PGPEP1L: variants seen among roughly 807,000 people sequenced by gnomAD.
PGPEP1L encodes pyroglutamyl-peptidase I like.
In PGPEP1L, 7 loss-of-function variants were observed where a neutral mutation model predicts 6.0. The observed-to-expected ratio is 1.17, with a 90% CI of 0.66 to 2.19. The LOEUF is 2.19. Among genes scored for constraint, PGPEP1L ranks in the 30% most tolerant of loss-of-function variants. The probability of loss-of-function intolerance (pLI) is 0.00; values close to 1 mark genes in which losing one functional copy is unlikely to be tolerated. For missense variants in PGPEP1L, 209 were observed against 192.5 expected, an observed-to-expected ratio of 1.09 and a Z score of -0.51; for synonymous variants, 103 against 83.9, an observed-to-expected ratio of 1.23 and a Z score of -1.24.
Position 98,968,583 on chromosome 15 carries a change from G to A in PGPEP1L, c.324C>T (p.Ala108=), listed in dbSNP as rs1308117270. 6.2e-7 allele frequency: 1 copy of A among 1,612,052 alleles called. No individual in the cohort carries two copies. The highest frequency in any genetic ancestry group is 8.5e-7 in the Non-Finnish European group (1 of 1,179,222). ...GCATTTCCTGGATGATGACTCTCAA[G>A]GCTCTTCCCAGCAGGCTGGCCGGGA... is the stretch of plus-strand genomic sequence containing the variant. ...RGLPASLLGR[A]LRVIIQEMLE... Residue 108 remains alanine, a synonymous_variant, in exon 5 of 5, where the codon GCC becomes GCT. Transcript: ENST00000535714.
At chr15:98,997,839 A>G (rs1480354024) in intron 2 of PGPEP1L, among the ~76,000 whole-genome samples, 23 of 152,092 alleles carry the variant, frequency 1.5e-4, no homozygotes, top group Non-Finnish European at 8.8e-5. Context: ...GCTCTGGGCC[A>G]GCGAACCTGC....
intron 2 of PGPEP1L, among the ~76,000 whole-genome samples, chr15:98,999,032 G>A (rs1033775568): frequency 1.3e-5 from 2 of 152,078 alleles, no homozygotes; most frequent in African/African-American, 4.8e-5. Context: ...AGGCTTTAAG[G>A]CTAGGCAAAG....
chr15:98,969,842 T>C (rs2017467734), intron 3 of PGPEP1L, among the ~76,000 whole-genome samples, 191 bp from the exon 4 acceptor site: 1 of 152,160 alleles, frequency 6.6e-6, no homozygotes, highest in Non-Finnish European at 1.5e-5. Flanking sequence ...GAAAAACAGC[T>C]GGATTCTTTT....
chr15:98,990,998 A>G (rs922623800), intron 2 of PGPEP1L, among the ~76,000 whole-genome samples: 1 of 152,218 alleles, frequency 6.6e-6, no homozygotes, highest in African/African-American at 2.4e-5. Flanking sequence ...TTAAATGCCT[A>G]CAAGAGAAAG....
At chr15:99,003,147 G>C (rs2017998231) in intron 2 of PGPEP1L, among the ~76,000 whole-genome samples, 1 of 147,338 alleles carries the variant, frequency 6.8e-6, no homozygotes, top group South Asian at 2.1e-4. Context: ...TAAGACTTTA[G>C]CTGCCCTTGG....
chr15:98,978,201 C>A (rs78554046), intron 2 of PGPEP1L, among the ~76,000 whole-genome samples: 10 of 152,226 alleles, frequency 6.6e-5, no homozygotes, highest in Admixed American at 5.9e-4. Flanking sequence ...GGAAACACAG[C>A]AGCACACATG....
In PGPEP1L at chr15:98,972,349, G is replaced by A. The variant is rs577319195; in HGVS notation, c.-141-1191C>T. Among the ~76,000 whole-genome samples the A allele has an allele frequency of 3.1e-3, 411 of 132,256 alleles. 6 individuals carry two copies. Among genetic ancestry groups the A allele is most frequent in the African/African-American group, 9.2e-3 (337 of 36,660 alleles). 86.8% of individuals were successfully genotyped at this position (132,256 alleles called of 152,430 possible). A position where few individuals can be genotyped will look rare whatever the true frequency, so the allele number is the denominator to read the frequency against. ...GCCTGGGCAACAAGAGCAAAACTCC[G>A]TCTCAAAAATAAATAAATAAATAAA... On this transcript the variant is annotated intron_variant, in intron 2 of 4. Coordinates refer to ENST00000535714, the MANE Select transcript of PGPEP1L (RefSeq NM_001167902.2).
chr15:98,968,455 T>C lies in PGPEP1L; in HGVS notation c.*23A>G, dbSNP rs1282934910. 22 of 1,601,756 alleles carry C rather than the reference T, an allele frequency of 1.4e-5. No homozygotes were observed. Among genetic ancestry groups the C allele is most frequent in the Non-Finnish European group, 1.8e-5 (21 of 1,172,800 alleles). ...CATACAGGATTGAAACATTCAATTT[T>C]CTCTAGAGGAGCAATCCCCCGGTCA... On this transcript the variant is annotated 3_prime_UTR_variant, in exon 5 of 5. Transcript: ENST00000535714.
chr15:98,997,402 A>G (rs948699225), intron 2 of PGPEP1L, among the ~76,000 whole-genome samples: 2 of 152,184 alleles, frequency 1.3e-5, no homozygotes. Context: ...AACTCAGAAT[A>G]AAGACCTCAC....
intron 2 of PGPEP1L, among the ~76,000 whole-genome samples, chr15:98,989,360 G>T (rs782363634): frequency 2.6e-5 from 4 of 152,146 alleles, no homozygotes; most frequent in Non-Finnish European, 4.4e-5. Context: ...AAGCTGAATC[G>T]ATCAAGTGGA....
intron 2 of PGPEP1L, among the ~76,000 whole-genome samples, chr15:98,989,103 G>C (rs373253907): frequency 1.2e-4 from 18 of 152,258 alleles, no homozygotes; most frequent in African/African-American, 4.3e-4. Flanking sequence ...CTCCTTGCCA[G>C]CAAGGGAACA....
At chr15:99,003,824 A>G (rs2018009128) in intron 2 of PGPEP1L, among the ~76,000 whole-genome samples, 3 of 147,440 alleles carry the variant, frequency 2.0e-5, no homozygotes, top group Admixed American at 6.7e-5. Flanking sequence ...TGGTGCTTCA[A>G]TGTTCATATT....
At chr15:98,994,685 ACACTGTCTTTCTC>A (rs2017864408) in intron 2 of PGPEP1L, among the ~76,000 whole-genome samples, 1 of 152,058 alleles carries the variant, frequency 6.6e-6, no homozygotes, top group Non-Finnish European at 1.5e-5. Flanking sequence ...CTTGCATTTC[ACACTGTCTTTCTC>A]AGATCATTTT....
Position 98,971,201 on chromosome 15 carries a change from G to T in PGPEP1L, c.-141-43C>A, listed in dbSNP as rs761689323. On this transcript the variant is annotated intron_variant, in intron 2 of 4. Transcript: ENST00000535714. ...TGGACTTGCCTCAGTTGATGGGGGGGGGGGGGGGGTGGGCACCAAGAGTCC... is the reference window on the plus strand; with the variant it reads ...TGGACTTGCCTCAGTTGATGGGGGGTGGGGGGGGGTGGGCACCAAGAGTCC... The T allele has an allele frequency of 1.3e-4, 41 of 305,554 alleles. 2 individuals are homozygous for T. The highest frequency in any genetic ancestry group is 6.6e-4 in the East Asian group (3 of 4,576). 18.9% of individuals were successfully genotyped at this position (305,554 alleles called of 1,614,324 possible). A position where few individuals can be genotyped will look rare whatever the true frequency, so the allele number is the denominator to read the frequency against.
chr15:99,007,168 T>C (rs144286934), intron 1 of PGPEP1L, among the ~76,000 whole-genome samples, 191 bp downstream of exon 1: 3 of 152,316 alleles, frequency 2.0e-5, no homozygotes, highest in African/African-American at 7.2e-5. Flanking sequence ...GAAGCGCCAT[T>C]TGCTCCCACT....
chr15:98,990,737 A>C (rs1215861928), intron 2 of PGPEP1L, among the ~76,000 whole-genome samples: 1 of 152,230 alleles, frequency 6.6e-6, no homozygotes, highest in African/African-American at 2.4e-5. Flanking sequence ...AGCAAATGCA[A>C]AAGAATGGAA....
chr15:99,006,466 G>C (rs74886087), intron 1 of PGPEP1L, among the ~76,000 whole-genome samples: 1 of 152,216 alleles, frequency 6.6e-6, no homozygotes, highest in Non-Finnish European at 1.5e-5. Flanking sequence ...TAACATTTGA[G>C]GCTATTTCCT....
intron 2 of PGPEP1L, among the ~76,000 whole-genome samples, chr15:98,972,375 T>G (rs2017510378): frequency 6.7e-6 from 1 of 148,984 alleles, no homozygotes; most frequent in South Asian, 2.1e-4. Context: ...AATAAATAAA[T>G]AAATAAATAA....
At chr15:98,982,944 CAA>C (rs1458725973) in intron 2 of PGPEP1L, among the ~76,000 whole-genome samples, 8 of 151,944 alleles carry the variant, frequency 5.3e-5, no homozygotes, top group Non-Finnish European at 1.2e-4. Flanking sequence ...CTCCTGGCCT[CAA>C]GTGATCCACC....
Sources: allele counts gnomAD v4.1 joint callset (sites outside exome capture counted in the v4.1 genomes callset), GRCh38; gene constraint gnomAD v4.1.1; transcripts MANE v1.5; gene names NCBI Gene and HGNC (gene_info 2026-07-23, HGNC 2026-07-21).